EVPL: variants seen among roughly 807,000 people sequenced by gnomAD.
The protein encoded by EVPL is envoplakin.
In EVPL, 94 loss-of-function variants were observed where a neutral mutation model predicts 129.7. The ratio of observed to expected loss-of-function variants is 0.72; its 90% CI spans 0.61 to 0.86. The LOEUF is 0.86. Among genes scored for constraint, EVPL ranks in the 40% least tolerant of loss-of-function variants. The pLI is 0.00. For missense variants in EVPL, 2,625 were observed against 2,721.1 expected (o/e 0.96, Z 0.79); for synonymous variants, 1,172 against 1,191.1 (o/e 0.98, Z 0.33).
rs775476300 is a variant in EVPL at position 76,010,288 on chromosome 17, A to G, written c.2917T>C (p.Ser973Pro). ...TCCTCCACCTGGGCCTTCACCCTGGACAGGCTGCCCTCCAGCTGGGGGTCC... is the reference window on the plus strand; with the variant it reads ...TCCTCCACCTGGGCCTTCACCCTGGGCAGGCTGCCCTCCAGCTGGGGGTCC... ...YRDPQLEGSLSRVKAQVEEEG... is the reference protein window; with the variant it reads ...YRDPQLEGSLPRVKAQVEEEG... The change falls in exon 22 of 22, where the codon TCC becomes CCC. Residue 973 changes from serine (S) to proline (P), a missense_variant. Ser to Pro is a moderately conservative substitution (Grantham distance 74). This residue lies in a region of EVPL where 1,453 missense variants were observed against 1,511.8 expected (regional missense o/e 0.96). Transcript: ENST00000301607. 4.3e-6 allele frequency: 7 copies of G among 1,613,836 alleles called. No homozygotes were observed. The highest frequency in any genetic ancestry group is 2.2e-5 in the East Asian group (1 of 44,880).
intron 17 of EVPL, 27 bp from the exon 18 acceptor site, chr17:76,014,603 A>G: frequency 2.5e-6 from 4 of 1,606,318 alleles, no homozygotes; most frequent in Non-Finnish European, 3.4e-6. Flanking sequence ...CCCAGAACAG[A>G]GATAAGACCT....
Position 76,015,118 on chromosome 17 carries a change from G to A in EVPL, c.2029-9C>T, listed in dbSNP as rs112381271. 486 of 1,571,512 alleles carry A rather than the reference G, an allele frequency of 3.1e-4. 2 individuals carry two copies. The highest frequency in any genetic ancestry group is 1.4e-3 in the African/African-American group (107 of 74,560). On this transcript the variant is annotated splice_polypyrimidine_tract_variant and intron_variant, in intron 16 of 21. Coordinates refer to ENST00000301607, the MANE Select transcript of EVPL (RefSeq NM_001988.4). Reference sequence around the variant, plus strand: ...AGCTCCCTCCGCTGGCGCTGCAGGAGGAGGGGACGCAGCCGTGCACCCTCG... The same window carrying A: ...AGCTCCCTCCGCTGGCGCTGCAGGAAGAGGGGACGCAGCCGTGCACCCTCG...
rs766295763 is a variant in EVPL, at chr17:76,011,618, C to T, written c.2619G>A (p.Gln873=). The T allele has an allele frequency of 6.8e-6, 11 of 1,614,202 alleles. No homozygotes were observed. In the Middle Eastern group the frequency reaches 4.9e-4, roughly 73 times the overall value. The change falls in exon 21 of 22, where the codon CAG becomes CAA. Residue 873 remains glutamine, a synonymous_variant. Coordinates refer to ENST00000301607, the MANE Select transcript of EVPL (RefSeq NM_001988.4). ...AYTEVAAAQQ[Q]LLQQLEFARK... is the part of the protein sequence containing the mutation. Reference sequence around the variant, plus strand: ...TAGCAAACTCCAGCTGCTGGAGCAGCTGCTGCTGTGCTGCTGCAACCTCAG... The same window carrying T: ...TAGCAAACTCCAGCTGCTGGAGCAGTTGCTGCTGTGCTGCTGCAACCTCAG...
At chr17:76,011,473 G>C in intron 21 of EVPL, 103 bp downstream of exon 21, 1 of 1,030,966 alleles carries the variant, frequency 9.7e-7, no homozygotes, top group South Asian at 1.3e-5. Flanking sequence ...GGGAGAGGAG[G>C]GAAGGAGACT....
At chr17:76,025,538 C>T (rs969575234) in intron 1 of EVPL, among the ~76,000 whole-genome samples, 8 of 152,198 alleles carry the variant, frequency 5.3e-5, no homozygotes, top group Non-Finnish European at 7.3e-5. Flanking sequence ...CCTCAGGTCC[C>T]GCCTCCTGGG....
At position 76,015,132 on chromosome 17, in the gene EVPL, C is replaced by A. The variant is rs1455334120; in HGVS notation, c.2029-23G>T. On this transcript the variant is annotated intron_variant, in intron 16 of 21. Transcript: ENST00000301607. ...GCGCTGCAGGAGGAGGGGACGCAGC[C>A]GTGCACCCTCGTGGCTGGGGAGACG... is the stretch of plus-strand genomic sequence containing the variant. 4 of 1,566,418 alleles carry A rather than the reference C, an allele frequency of 2.6e-6. No individual in the cohort carries two copies. In the South Asian group the frequency reaches 4.5e-5, roughly 18 times the overall value.
chr17:76,021,343 A>G (rs2066455476), intron 9 of EVPL, 125 bp downstream of exon 9: 2 of 888,102 alleles, frequency 2.3e-6, no homozygotes, highest in African/African-American at 3.3e-5. Flanking sequence ...GGTGTGAGCC[A>G]CCGCGCCCTG....
In EVPL at chr17:76,008,566, G is replaced by T; in HGVS notation, c.4639C>A (p.Arg1547Ser). The part of the protein sequence containing the change: ...ARVWEMLNRE[R>S]TARQAREEEA... ...TCCTCCCGGGCCTGCCGGGCCGTGC[G>T]CTCCCTGTTGAGCATCTCCCACACG... Residue 1547 changes from arginine to serine, a missense_variant, in exon 22 of 22, where the codon CGC (arginine) becomes AGC (serine). This residue lies in a region of EVPL where 1,453 missense variants were observed against 1,511.8 expected (regional missense o/e 0.96). Transcript: ENST00000301607. The surrounding 1 kb of genome is among the most constrained non-coding windows in gnomAD (Gnocchi z 7.4). The T allele has an allele frequency of 6.2e-7, 1 of 1,609,922 alleles. No homozygotes were observed.
At position 76,022,509 on chromosome 17, in the gene EVPL, CG is replaced by C. The variant is rs2066469338; in HGVS notation, c.509del (p.Pro170ArgfsTer46). On this transcript the variant is annotated frameshift_variant, in exon 5 of 22. Transcript: ENST00000301607. LOFTEE classifies it high-confidence loss of function. This position sits in a 1 kb window ranked among gnomAD's most constrained non-coding sequence, Gnocchi z 5.6. ...TCTGTTGCTCCAGCTCCGCCATGCC[CG>C]GCCCGTACTGGCCTGCGCAGACCTG... ...QKQVCAGQYG[P>X]GMAELEQQIA... 6.2e-7 allele frequency: 1 copy of C among 1,610,414 alleles called. No homozygotes were observed. Among genetic ancestry groups the C allele is most frequent in the African/African-American group, 1.3e-5 (1 of 74,922 alleles).
intron 1 of EVPL, among the ~76,000 whole-genome samples, chr17:76,025,518 G>A (rs2144444954): frequency 6.6e-6 from 1 of 152,320 alleles, no homozygotes; most frequent in East Asian, 1.9e-4. Context: ...GCTGGGCCCT[G>A]GGCGCCCCTC....
At position 76,022,402 on chromosome 17, in the gene EVPL, G is replaced by C; in HGVS notation, c.606+11C>G. The C allele has an allele frequency of 6.2e-7, 1 of 1,613,548 alleles. No individual in the cohort carries two copies. The highest frequency in any genetic ancestry group is 8.5e-7 in the Non-Finnish European group (1 of 1,179,904). ...CTGGCCCCGGATGTGACATCCTCCAGGCTCACCTACCGGCCCCACGAGGCT... is the reference window on the plus strand; with the variant it reads ...CTGGCCCCGGATGTGACATCCTCCACGCTCACCTACCGGCCCCACGAGGCT... On this transcript the variant is annotated intron_variant, in intron 5 of 21. Coordinates refer to ENST00000301607, the MANE Select transcript of EVPL (RefSeq NM_001988.4). This position sits in a 1 kb window ranked among gnomAD's most constrained non-coding sequence, Gnocchi z 5.6.
Position 76,019,048 on chromosome 17 carries a change from G to T in EVPL, c.1150C>A (p.Arg384=), listed in dbSNP as rs374258090. The T allele has an allele frequency of 6.7e-5, 106 of 1,574,860 alleles. 2 individuals carry two copies. The highest frequency in any genetic ancestry group is 5.7e-4 in the African/African-American group (41 of 71,938). Residue 384 remains arginine (R), a synonymous_variant, in exon 11 of 22, where the codon CGG becomes AGG. Transcript: ENST00000301607. ...LLQQLEAEEK[R]LAVTERATGD... ...GTGGCCCTCTCGGTGACGGCCAGCC[G>T]TTTTTCCTCTGCCTGCCGGGGGCCC...
chr17:76,008,664 G>T lies in EVPL; in HGVS notation c.4541C>A (p.Ser1514Ter). Reference sequence around the variant, plus strand: ...TTCCTTGTAGATGGTCTTCTCCTGCGATTTGGCTTTCTGGAGGACGTCAAT... The same window carrying T: ...TTCCTTGTAGATGGTCTTCTCCTGCTATTTGGCTTTCTGGAGGACGTCAAT... The part of the protein sequence containing the change: ...VQIDVLQKAK[S>*]QEKTIYKEVI... The change falls in exon 22 of 22, where the codon TCG becomes TAG. Residue 1514 changes from serine (S) to a stop codon, truncating the protein, a stop_gained. Transcript: ENST00000301607. LOFTEE classifies it low-confidence loss of function (END_TRUNC). The surrounding 1 kb of genome is among the most constrained non-coding windows in gnomAD (Gnocchi z 7.4). 6.2e-7 allele frequency: 1 copy of T among 1,612,610 alleles called. No homozygotes were observed. The highest frequency in any genetic ancestry group is 2.2e-5 in the East Asian group (1 of 44,862).
Position 76,008,263 on chromosome 17 carries a change from C to G in EVPL, c.4942G>C (p.Glu1648Gln). The G allele has an allele frequency of 1.2e-6, 2 of 1,612,972 alleles. No individual in the cohort carries two copies. Among genetic ancestry groups the G allele is most frequent in the Non-Finnish European group, 1.7e-6 (2 of 1,179,998 alleles). ...LSRLEAAILREKDQIYEKERT... is the reference protein window; with the variant it reads ...LSRLEAAILRQKDQIYEKERT... ...TCCTTCTCGTAGATCTGGTCCTTCT[C>G]GCGGAGGATGGCCGCCTCCAGCCGC... is the stretch of plus-strand genomic sequence containing the variant. Residue 1648 changes from glutamate to glutamine, a missense_variant, in exon 22 of 22, where the codon GAG (glutamate) becomes CAG (glutamine). Transcript: ENST00000301607. This position sits in a 1 kb window ranked among gnomAD's most constrained non-coding sequence, Gnocchi z 7.4.
At position 76,024,856 on chromosome 17, in the gene EVPL, T is replaced by C. The variant is rs2144443530; in HGVS notation, c.99-736A>G. Among the ~76,000 whole-genome samples, 1 of 152,320 alleles carries C rather than the reference T, an allele frequency of 6.6e-6. No individual in the cohort carries two copies. Among genetic ancestry groups the C allele is most frequent in the African/African-American group, 2.4e-5 (1 of 41,570 alleles). ...CCTGCAGCCTCCATAGAGCACCTGC[T>C]GTGTGCATGCACTCACTGTGCGGAG... On this transcript the variant is annotated intron_variant, in intron 1 of 21. Coordinates refer to ENST00000301607, the MANE Select transcript of EVPL (RefSeq NM_001988.4). The surrounding 1 kb of genome is among the most constrained non-coding windows in gnomAD (Gnocchi z 4.5).
In EVPL at chr17:76,009,528, C is replaced by A. The variant is rs931441818; in HGVS notation, c.3677G>T (p.Gly1226Val). Residue 1226 changes from glycine (G) to valine (V), a missense_variant, in exon 22 of 22, where the codon GGT becomes GTT. Transcript: ENST00000301607. This position sits in a 1 kb window ranked among gnomAD's most constrained non-coding sequence, Gnocchi z 5.9. ...CAGCTTCTCCACCTCCTTCTCCACA[C>A]CGCTCCTCTTGCCCGCCATCTCCTG... ...KLQEMAGKRS[G>V]VEKEVEKLLP... The A allele has an allele frequency of 8.7e-6, 14 of 1,614,016 alleles. No homozygotes were observed. The highest frequency in any genetic ancestry group is 5.0e-5 in the Admixed American group (3 of 60,010).
rs775910738 is a variant in EVPL, at chr17:76,017,889, G to T, written c.1560C>A (p.Ala520=). 4.3e-6 allele frequency: 7 copies of T among 1,613,962 alleles called. No homozygotes were observed. In the Admixed American group the frequency reaches 1.2e-4, roughly 27 times the overall value. ...TCAGGAGCTTCTGGGCCTGTGGGTT[G>T]GCCAGGTCTGAGCCAGATGGAGCTG... ...SQQAPSGSDL[A]NPQAQKLLTQ... Residue 520 remains alanine, a synonymous_variant, in exon 14 of 22, where the codon GCC becomes GCA. Coordinates refer to ENST00000301607, the MANE Select transcript of EVPL (RefSeq NM_001988.4).
chr17:76,022,166 G>T lies in EVPL; in HGVS notation c.645+23C>A. The stretch of plus-strand genomic sequence containing the variant: ...ACCCAGGCCCACCCGCAGCCTCCCT[G>T]CCCGACCCTCCCTCCTGCTCACCAG... On this transcript the variant is annotated intron_variant, in intron 6 of 21. Transcript: ENST00000301607. The surrounding 1 kb of genome is among the most constrained non-coding windows in gnomAD (Gnocchi z 5.6). 6.2e-7 allele frequency: 1 copy of T among 1,611,470 alleles called. No individual in the cohort carries two copies. The highest frequency in any genetic ancestry group is 8.5e-7 in the Non-Finnish European group (1 of 1,179,424).
intron 10 of EVPL, among the ~76,000 whole-genome samples, chr17:76,019,301 C>T (rs2066441055): frequency 6.6e-6 from 1 of 152,136 alleles, no homozygotes; most frequent in Non-Finnish European, 1.5e-5. Context: ...CCTCAGAGCT[C>T]TCCCAGGCTG....
Sources: allele counts gnomAD v4.1 joint callset (sites outside exome capture counted in the v4.1 genomes callset), GRCh38; gene constraint gnomAD v4.1.1; regional missense constraint gnomAD v4.1.1; non-coding constraint Gnocchi (gnomAD v3.1); transcripts MANE v1.5; gene names NCBI Gene and HGNC (gene_info 2026-07-23, HGNC 2026-07-21).